VPS13D: variants seen among roughly 807,000 people sequenced by gnomAD.
VPS13D encodes the protein intermembrane lipid transfer protein VPS13D.
In VPS13D, 187 loss-of-function variants were observed where a neutral mutation model predicts 461.9. The observed-to-expected ratio is 0.40, with a 90% CI of 0.36 to 0.46. The LOEUF is 0.46. Among genes scored for constraint, VPS13D ranks in the 20% least tolerant of loss-of-function variants. The pLI, the probability that VPS13D is intolerant of heterozygous loss-of-function variation, is 0.60. For missense variants in VPS13D, 4,711 were observed against 5,364.9 expected (o/e 0.88, Z 3.81); for synonymous variants, 1,951 against 1,986.3 (o/e 0.98, Z 0.47).
In VPS13D at chr1:12,304,573, A is replaced by G; in HGVS notation, c.6284A>G (p.Glu2095Gly). ...KHSLRKTTST[E>G]EPRGTHSQGQ... ...AGTCTGAGGAAAACGACAAGCACGG[A>G]GGAGCCCAGGGGAACCCATTCCCAG... Residue 2095 changes from glutamate to glycine, a missense_variant, in exon 26 of 70, where the codon GAG (glutamate) becomes GGG (glycine). By Grantham distance (98) the Glu-to-Gly change is moderately conservative. This residue lies in a region of VPS13D where 4,411 missense variants were observed against 4,937.8 expected (regional missense o/e 0.89). Coordinates refer to ENST00000620676, the MANE Select transcript of VPS13D (RefSeq NM_015378.4). 1 of 1,614,142 alleles carries G rather than the reference A, an allele frequency of 6.2e-7. No homozygotes were observed. Among genetic ancestry groups the G allele is most frequent in the Non-Finnish European group, 8.5e-7 (1 of 1,180,034 alleles).
intron 7 of VPS13D, among the ~76,000 whole-genome samples, chr1:12,254,367 A>G (rs529364255): frequency 1.2e-3 from 184 of 152,022 alleles, no homozygotes; most frequent in African/African-American, 4.0e-3. Flanking sequence ...AAATGAACAG[A>G]GCACCAGGAC....
Position 12,314,238 on chromosome 1 carries a change from T to C in VPS13D, c.7059T>C (p.Pro2353=), listed in dbSNP as rs1361843741. The C allele has an allele frequency of 6.2e-7, 1 of 1,614,198 alleles. No homozygotes were observed. Among genetic ancestry groups the C allele is most frequent in the East Asian group, 2.2e-5 (1 of 44,866 alleles). ...DTRYAGQKTS[P]GMTNVFSCIF... Reference sequence around the variant, plus strand: ...GTTATGCTGGGCAGAAGACCAGCCCTGGCATGACGAATGTGTTCAGCTGTA... The same window carrying C: ...GTTATGCTGGGCAGAAGACCAGCCCCGGCATGACGAATGTGTTCAGCTGTA... Residue 2353 remains proline, a synonymous_variant, in exon 30 of 70, where the codon CCT becomes CCC. Coordinates refer to ENST00000620676, the MANE Select transcript of VPS13D (RefSeq NM_015378.4).
intron 52 of VPS13D, among the ~76,000 whole-genome samples, chr1:12,368,174 T>TACAC (rs1331621819): frequency 6.6e-6 from 1 of 152,200 alleles, no homozygotes; most frequent in African/African-American, 2.4e-5. Flanking sequence ...TCTGTATATA[T>TACAC]ACACACACAC....
chr1:12,325,363 G>A (rs1434388605), intron 35 of VPS13D, among the ~76,000 whole-genome samples: 1 of 152,052 alleles, frequency 6.6e-6, no homozygotes, highest in Non-Finnish European at 1.5e-5. Flanking sequence ...AGGTTCAAGT[G>A]ATACTCCTGC....
chr1:12,340,306 A>AAT (rs1643540475), intron 40 of VPS13D, among the ~76,000 whole-genome samples: 1 of 152,128 alleles, frequency 6.6e-6, no homozygotes. Flanking sequence ...CTGACCACAA[A>AAT]ATTGTGGGAA....
intron 25 of VPS13D, among the ~76,000 whole-genome samples, chr1:12,302,716 C>T (rs911436273): frequency 6.6e-6 from 1 of 151,950 alleles, no homozygotes; most frequent in Non-Finnish European, 1.5e-5. Flanking sequence ...TAAAACCAAC[C>T]CTTTAAAATA....
At chr1:12,349,557 T>C (rs1482194130) in intron 46 of VPS13D, among the ~76,000 whole-genome samples, 183 bp downstream of exon 46, 1 of 152,092 alleles carries the variant, frequency 6.6e-6, no homozygotes, top group Middle Eastern at 3.2e-3. Context: ...GTTGGTGGGG[T>C]CTGGGGAGGC....
chr1:12,397,624 G>A (rs1644517680), intron 60 of VPS13D, among the ~76,000 whole-genome samples: 1 of 152,188 alleles, frequency 6.6e-6, no homozygotes, highest in Admixed American at 6.5e-5. Context: ...AAAAATGCAG[G>A]CTTTGCTCTT....
Position 12,233,329 on chromosome 1 carries a change from A to G in VPS13D, c.-76-862A>G, listed in dbSNP as rs77848481. 1.0e-2 allele frequency among the ~76,000 whole-genome samples: 1,519 copies of G among 152,278 alleles called. 44 individuals carry two copies. The highest frequency in any genetic ancestry group is 0.053 in the East Asian group (277 of 5,184). ...CCTCTTTCATGAATTTCATTCAGAC[A>G]ATCTCTTACGGCATTTTCTGTCTTA... On this transcript the variant is annotated intron_variant, in intron 1 of 69. Transcript: ENST00000620676.
At chr1:12,263,155 T>G (rs1227913865) in intron 13 of VPS13D, among the ~76,000 whole-genome samples, 1 of 152,200 alleles carries the variant, frequency 6.6e-6, no homozygotes, top group Non-Finnish European at 1.5e-5. Flanking sequence ...ATATTTTTTT[T>G]GTAACGCACA....
At chr1:12,293,780 T>C in intron 24 of VPS13D, 76 bp downstream of exon 24, 5,480 of 898,666 alleles carry the variant, frequency 6.1e-3, no homozygotes, top group Non-Finnish European at 8.4e-3. Context: ...TAGAGATGAA[T>C]CTGGAAGAGT....
chr1:12,430,761 C>T (rs1021475621), intron 65 of VPS13D, among the ~76,000 whole-genome samples: 9 of 152,192 alleles, frequency 5.9e-5, no homozygotes, highest in Non-Finnish European at 8.8e-5. Context: ...CTAGCACCCA[C>T]GCCAGATTGT....
chr1:12,383,214 T>G, intron 58 of VPS13D, 59 bp downstream of exon 58: 1 of 1,498,290 alleles, frequency 6.7e-7, no homozygotes, highest in Non-Finnish European at 9.0e-7. Context: ...CCCCAATGAT[T>G]ACTCATTTAA....
intron 2 of VPS13D, among the ~76,000 whole-genome samples, chr1:12,237,051 T>TTG (rs1044690670): frequency 2.0e-5 from 3 of 151,192 alleles, no homozygotes; most frequent in African/African-American, 7.3e-5. Flanking sequence ...TTCAAAGAGA[T>TTG]TGTGTGTGTG....
chr1:12,335,671 A>C, intron 38 of VPS13D, 34 bp from the exon 39 acceptor site: 1 of 1,565,042 alleles, frequency 6.4e-7, no homozygotes, highest in South Asian at 1.2e-5. Flanking sequence ...CATCTTTTTT[A>C]GTTCTCTTAA....
intron 60 of VPS13D, among the ~76,000 whole-genome samples, chr1:12,394,403 G>A (rs751847361): frequency 1.3e-5 from 2 of 152,188 alleles, no homozygotes; most frequent in African/African-American, 4.8e-5. Context: ...TTGCCACTTT[G>A]CCTCTGCTGT....
At chr1:12,442,655 G>A (rs1395701132) in intron 65 of VPS13D, among the ~76,000 whole-genome samples, 2 of 151,178 alleles carry the variant, frequency 1.3e-5, no homozygotes, top group Non-Finnish European at 2.9e-5. Flanking sequence ...GAGTGCAGTG[G>A]CATCATCACA....
chr1:12,340,011 A>G (rs535346557), intron 40 of VPS13D, among the ~76,000 whole-genome samples: 1 of 152,258 alleles, frequency 6.6e-6, no homozygotes, highest in East Asian at 1.9e-4. Flanking sequence ...TGGGCCCTTT[A>G]TCTACTGTAA....
intron 17 of VPS13D, 27 bp downstream of exon 17, chr1:12,271,151 T>C (rs1455198706): frequency 4.3e-6 from 7 of 1,613,126 alleles, no homozygotes; most frequent in African/African-American, 2.7e-5. Context: ...AAACACTCTT[T>C]GGGGATTGGG....
Sources: allele counts gnomAD v4.1 joint callset (sites outside exome capture counted in the v4.1 genomes callset), GRCh38; gene constraint gnomAD v4.1.1; regional missense constraint gnomAD v4.1.1; transcripts MANE v1.5; gene names NCBI Gene and HGNC (gene_info 2026-07-23, HGNC 2026-07-21).